Variants in MITF observed in about 807,000 individuals in gnomAD.
The protein encoded by MITF is melanocyte inducing transcription factor.
Under a neutral mutation model 60.5 loss-of-function variants are expected in MITF, and 17 were observed. That is an observed-to-expected ratio of 0.28 (90% CI 0.19 to 0.42). The LOEUF is 0.42. Ranked by LOEUF, MITF falls within the 10% of genes least tolerant of loss-of-function variation. The probability of loss-of-function intolerance (pLI) is 1.00; values close to 1 mark genes in which losing one functional copy is unlikely to be tolerated. For missense variants in MITF, 622 were observed against 683.5 expected, an observed-to-expected ratio of 0.91 and a Z score of 1.00; for synonymous variants, 260 against 248.5, an observed-to-expected ratio of 1.05 and a Z score of -0.43.
chr3:69,936,782 G>A (rs757588878), intron 2 of MITF: 2 of 1,602,326 alleles, frequency 1.2e-6, no homozygotes, highest in African/African-American at 1.3e-5. Context: ...CTCATATTCA[G>A]TCTTTGAAAT....
chr3:69,966,045 C>G lies in MITF; in HGVS notation c.*797C>G, dbSNP rs2066682708. Reference sequence around the variant, plus strand: ...CCTCTCAAAGTAAAATATTGAGGAGCACTGAAAGTATGTTTTACTTTTTTT... The same window carrying G: ...CCTCTCAAAGTAAAATATTGAGGAGGACTGAAAGTATGTTTTACTTTTTTT... On this transcript the variant is annotated 3_prime_UTR_variant, in exon 10 of 10. Transcript: ENST00000352241. 4.3e-6 allele frequency: 1 copy of G among 232,184 alleles called. No individual in the cohort carries two copies. Among genetic ancestry groups the G allele is most frequent in the Non-Finnish European group, 8.5e-6 (1 of 117,534 alleles). 14.4% of individuals were successfully genotyped at this position (232,184 alleles called of 1,614,324 possible).
At chr3:69,892,476 CT>C (rs2064781758) in intron 2 of MITF, among the ~76,000 whole-genome samples, 1 of 152,120 alleles carries the variant, frequency 6.6e-6, no homozygotes, top group South Asian at 2.1e-4. Flanking sequence ...AGTGTTCACT[CT>C]TGGTTTTGTG....
intron 2 of MITF, among the ~76,000 whole-genome samples, chr3:69,895,958 C>G (rs1402300483): frequency 6.6e-6 from 1 of 151,832 alleles, no homozygotes; most frequent in Non-Finnish European, 1.5e-5. Context: ...GCTAACACCC[C>G]CCTTCCCCTA....
intron 2 of MITF, among the ~76,000 whole-genome samples, chr3:69,934,232 A>G (rs2065783001): frequency 6.6e-6 from 1 of 152,102 alleles, no homozygotes; most frequent in Non-Finnish European, 1.5e-5. Flanking sequence ...TAACACTAAG[A>G]TATTGTTTTC....
intron 1 of MITF, among the ~76,000 whole-genome samples, chr3:69,862,404 T>C (rs1390287782): frequency 1.3e-5 from 2 of 152,178 alleles, no homozygotes; most frequent in Non-Finnish European, 2.9e-5. Context: ...TAGTAAGCTC[T>C]CAAGTGTTAA....
intron 2 of MITF, among the ~76,000 whole-genome samples, chr3:69,935,958 T>C (rs4284984): frequency 0.012 from 1,878 of 152,324 alleles, 98 homozygotes; most frequent in Admixed American, 0.087. Flanking sequence ...CTTTTTTCAT[T>C]TGAGAATTAA....
At chr3:69,847,934 C>G (rs1420313907) in intron 1 of MITF, among the ~76,000 whole-genome samples, 2 of 152,224 alleles carry the variant, frequency 1.3e-5, no homozygotes, top group African/African-American at 2.4e-5. Context: ...CCTAAGAGCT[C>G]TTTCCACATT....
chr3:69,948,924 T>A, intron 5 of MITF, 127 bp from the exon 6 acceptor site: 1 of 751,728 alleles, frequency 1.3e-6, no homozygotes, highest in Non-Finnish European at 2.3e-6. Context: ...ATTTTCCTAT[T>A]TTAAAAATGA....
rs2107538008 is a variant in MITF, at chr3:69,959,409, C to T, written c.1168C>T (p.Leu390Phe). The T allele has an allele frequency of 6.2e-7, 1 of 1,613,906 alleles. No individual in the cohort carries two copies. Among genetic ancestry groups the T allele is most frequent in the Non-Finnish European group, 8.5e-7 (1 of 1,179,866 alleles). The change falls in exon 9 of 10, where the codon CTC (leucine) becomes TTC (phenylalanine). Residue 390 changes from leucine to phenylalanine, a missense_variant. Physicochemically the swap from Leu to Phe is conservative, Grantham distance 22. Transcript: ENST00000352241. ...KLEHANRHLLLRIQELEMQAR... is the reference protein window; with the variant it reads ...KLEHANRHLLFRIQELEMQAR... ...GGAGCACGCCAACCGGCATTTGTTG[C>T]TCAGAATACAGGTACGCAGCCTGAG...
At chr3:69,785,100 T>C (rs2062626885) in intron 1 of MITF, among the ~76,000 whole-genome samples, 1 of 152,010 alleles carries the variant, frequency 6.6e-6, no homozygotes, top group Admixed American at 6.6e-5. Flanking sequence ...ACGAAAGCTT[T>C]GTATTAGTGG....
rs115023008 is a variant in MITF, at chr3:69,814,376, C to T, written c.105-64758C>T. ...TTTGATCTCATTCTGTCACCTAGGA[C>T]GGCGTGCAGTGGTGTAATCATGGCT... On this transcript the variant is annotated intron_variant, in intron 1 of 9. Coordinates refer to ENST00000352241, the MANE Select transcript of MITF (RefSeq NM_001354604.2). Among the ~76,000 whole-genome samples, 937 of 152,176 alleles carry T rather than the reference C, an allele frequency of 6.2e-3. 5 individuals are homozygous for T. The highest frequency in any genetic ancestry group is 0.021 in the African/African-American group (879 of 41,520).
chr3:69,957,612 T>A (rs993900534), intron 8 of MITF, among the ~76,000 whole-genome samples: 47 of 152,312 alleles, frequency 3.1e-4, no homozygotes, highest in Admixed American at 1.7e-3. Flanking sequence ...TTTCCTATAG[T>A]CAGTCTTGCA....
Position 69,959,363 on chromosome 3 carries a change from T to G in MITF, c.1122T>G (p.Leu374=). 6.2e-7 allele frequency: 1 copy of G among 1,613,904 alleles called. No homozygotes were observed. The highest frequency in any genetic ancestry group is 8.5e-7 in the Non-Finnish European group (1 of 1,179,940). The change falls in exon 9 of 10, where the codon CTT becomes CTG. Residue 374 remains leucine, a synonymous_variant. Coordinates refer to ENST00000352241, the MANE Select transcript of MITF (RefSeq NM_001354604.2). ...LQREQQRAKE[L]ENRQKKLEHA... is the part of the protein sequence containing the mutation. ...GAGAACAGCAACGCGCAAAAGAACTTGAAAACCGACAGAAGAAACTGGAGC... is the reference window on the plus strand; with the variant it reads ...GAGAACAGCAACGCGCAAAAGAACTGGAAAACCGACAGAAGAAACTGGAGC...
At chr3:69,837,672 T>TG (rs2063560926) in intron 1 of MITF, among the ~76,000 whole-genome samples, 1 of 152,222 alleles carries the variant, frequency 6.6e-6, no homozygotes, top group South Asian at 2.1e-4. Context: ...GTCGAAGGAT[T>TG]TTTTTTGTCT....
Position 69,821,930 on chromosome 3 carries a change from A to G in MITF, c.105-57204A>G, listed in dbSNP as rs374112471. Among the ~76,000 whole-genome samples, 127 of 152,090 alleles carry G rather than the reference A, an allele frequency of 8.4e-4. 3 individuals are homozygous for G. The South Asian group carries it at 0.026, about 31-fold the overall frequency. ...GCTAATTTCTGTATTTTTAGTAGAGATGGGGTTTCGCCATGTTGGCCAGGC... is the reference window on the plus strand; with the variant it reads ...GCTAATTTCTGTATTTTTAGTAGAGGTGGGGTTTCGCCATGTTGGCCAGGC... On this transcript the variant is annotated intron_variant, in intron 1 of 9. Transcript: ENST00000352241.
chr3:69,881,755 A>G (rs1198875866), intron 2 of MITF, among the ~76,000 whole-genome samples: 1 of 152,094 alleles, frequency 6.6e-6, no homozygotes, highest in Non-Finnish European at 1.5e-5. Flanking sequence ...TTCTCCATGA[A>G]TATATATTTT....
intron 9 of MITF, among the ~76,000 whole-genome samples, chr3:69,964,022 G>C (rs1241005187): frequency 7.7e-6 from 1 of 130,392 alleles, no homozygotes; most frequent in Non-Finnish European, 1.5e-5. Flanking sequence ...TCTAGCCCAG[G>C]CTGGAGCGCA....
At chr3:69,745,585 T>C (rs1259229770) in intron 1 of MITF, among the ~76,000 whole-genome samples, 2 of 152,248 alleles carry the variant, frequency 1.3e-5, no homozygotes, top group Non-Finnish European at 2.9e-5. Context: ...GGCATGGTCC[T>C]AAAGTAGACA....
At chr3:69,844,412 AGC>A (rs1015748269) in intron 1 of MITF, among the ~76,000 whole-genome samples, 2 of 152,226 alleles carry the variant, frequency 1.3e-5, no homozygotes, top group African/African-American at 4.8e-5. Flanking sequence ...AGAACTGGCT[AGC>A]CATATGTAGA....
Sources: allele counts gnomAD v4.1 joint callset (sites outside exome capture counted in the v4.1 genomes callset), GRCh38; gene constraint gnomAD v4.1.1; transcripts MANE v1.5; gene names NCBI Gene and HGNC (gene_info 2026-07-23, HGNC 2026-07-21).